Variants in PBX3 observed in about 807,000 individuals in gnomAD.
The protein encoded by PBX3 is pre-B-cell leukemia transcription factor 3.
A neutral mutation model predicts 48.5 loss-of-function variants in PBX3; 14 were observed. The observed-to-expected ratio is 0.29, with a 90% CI of 0.19 to 0.45. The LOEUF (loss-of-function observed/expected upper bound fraction) is 0.45. Among genes scored for constraint, PBX3 ranks in the 20% least tolerant of loss-of-function variants. The pLI is 1.00. For missense variants in PBX3, 386 were observed against 546.7 expected (o/e 0.71, Z 2.93); for synonymous variants, 210 against 200.3 (o/e 1.05, Z -0.41).
At chr9:125,787,727 A>G (rs1021719385) in intron 2 of PBX3, among the ~76,000 whole-genome samples, 1 of 152,132 alleles carries the variant, frequency 6.6e-6, no homozygotes, top group Non-Finnish European at 1.5e-5. Context: ...GGATTTTAGG[A>G]TTGTTTGGTT....
chr9:125,817,499 A>G (rs1838500524), intron 2 of PBX3, among the ~76,000 whole-genome samples: 1 of 152,206 alleles, frequency 6.6e-6, no homozygotes, highest in Admixed American at 6.5e-5. Flanking sequence ...AAACACACAC[A>G]CACATTAATT....
chr9:125,762,039 A>AG (rs761758960), intron 2 of PBX3, among the ~76,000 whole-genome samples: 270 of 152,336 alleles, frequency 1.8e-3, no homozygotes, highest in Admixed American at 3.6e-3. Flanking sequence ...GTATTTTTGC[A>AG]GGGGCAGTTT....
rs1251305449 is a variant in PBX3, at chr9:125,916,074, G to A, written c.516+147G>A. 31 of 1,187,094 alleles carry A rather than the reference G, an allele frequency of 2.6e-5. No individual in the cohort carries two copies. In the South Asian group the frequency reaches 4.1e-4, roughly 16 times the overall value. The allele number at this position is 1,187,094 out of a possible 1,614,324, so 73.5% of individuals were successfully genotyped here. A position where few individuals can be genotyped will look rare whatever the true frequency, so the allele number is the denominator to read the frequency against. ...GTCAGTGCAAAAATCCAAGTGAATT[G>A]TTGGATTCATGAAAGGAAGACCCTT... On this transcript the variant is annotated intron_variant, in intron 3 of 8. Coordinates refer to ENST00000373489, the MANE Select transcript of PBX3 (RefSeq NM_006195.6).
At chr9:125,835,094 A>G (rs1839092699) in intron 2 of PBX3, among the ~76,000 whole-genome samples, 1 of 151,356 alleles carries the variant, frequency 6.6e-6, no homozygotes, top group Non-Finnish European at 1.5e-5. Flanking sequence ...AAGACAATAC[A>G]GATAACTCTT....
Position 125,760,110 on chromosome 9 carries a change from C to T in PBX3, c.274+11487C>T, listed in dbSNP as rs1342884665. The stretch of plus-strand genomic sequence containing the variant: ...ACCTATCTGAGCAGTTTATTTCACG[C>T]GGTTTGTTCTGCGTTGGGATCATTA... On this transcript the variant is annotated intron_variant, in intron 2 of 8. Coordinates refer to ENST00000373489, the MANE Select transcript of PBX3 (RefSeq NM_006195.6). Among the ~76,000 whole-genome samples, 9 of 152,144 alleles carry T rather than the reference C, an allele frequency of 5.9e-5. No homozygotes were observed. In the East Asian group the frequency reaches 9.6e-4, roughly 16 times the overall value.
intron 2 of PBX3, among the ~76,000 whole-genome samples, chr9:125,792,142 T>TTA (rs1344595739): frequency 2.0e-5 from 3 of 151,922 alleles, no homozygotes; most frequent in African/African-American, 7.3e-5. Context: ...GAATCCTAGA[T>TTA]GTAGGAAAAG....
intron 2 of PBX3, among the ~76,000 whole-genome samples, chr9:125,787,623 G>T (rs1305409852): frequency 6.6e-6 from 1 of 152,142 alleles, no homozygotes; most frequent in African/African-American, 2.4e-5. Context: ...GATTATAGGG[G>T]TCTGTTGCAA....
intron 2 of PBX3, among the ~76,000 whole-genome samples, chr9:125,811,846 A>G (rs574033154): frequency 6.6e-6 from 1 of 151,834 alleles, no homozygotes; most frequent in Non-Finnish European, 1.5e-5. Context: ...CTCATGACCT[A>G]TTTATCTCCT....
In PBX3 at chr9:125,747,600, C is replaced by T. The variant is rs1836226914; in HGVS notation, c.147C>T (p.Ile49=). The T allele has an allele frequency of 1.2e-6, 2 of 1,608,332 alleles. No homozygotes were observed. The highest frequency in any genetic ancestry group is 1.7e-6 in the Non-Finnish European group (2 of 1,177,364). Reference sequence around the variant, plus strand: ...GCAGGAAGCAGGACATCGGCGACATCCTCCACCAGATCATGACCATCACCG... The same window carrying T: ...GCAGGAAGCAGGACATCGGCGACATTCTCCACCAGATCATGACCATCACCG... ...GDGRKQDIGD[I]LHQIMTITDQ... Residue 49 remains isoleucine (I), a synonymous_variant, in exon 1 of 9, where the codon ATC becomes ATT. Coordinates refer to ENST00000373489, the MANE Select transcript of PBX3 (RefSeq NM_006195.6).
Position 125,747,403 on chromosome 9 carries a change from C to CGCCTCA in PBX3, c.-46_-41dup. On this transcript the variant is annotated 5_prime_UTR_variant, in exon 1 of 9. Transcript: ENST00000373489. The stretch of plus-strand genomic sequence containing the variant: ...CCCTCGTCGCCGCCGCCGCCGCCGC[C>CGCCTCA]GCCTCAGCCTTCGCCTCAGCCGCCG... 1.6e-6 allele frequency: 2 copies of CGCCTCA among 1,238,880 alleles called. No homozygotes were observed. Among genetic ancestry groups the CGCCTCA allele is most frequent in the Non-Finnish European group, 2.1e-6 (2 of 955,318 alleles). The allele number at this position is 1,238,880 out of a possible 1,614,324, so 76.7% of individuals were successfully genotyped here.
Position 125,783,724 on chromosome 9 carries a change from G to A in PBX3, c.274+35101G>A, listed in dbSNP as rs1445661777. Reference sequence around the variant, plus strand: ...ATTCACAACTTATTTTGGGCCGGGAGCAGCAGCTTCATGCCTGTAATCCCA... The same window carrying A: ...ATTCACAACTTATTTTGGGCCGGGAACAGCAGCTTCATGCCTGTAATCCCA... On this transcript the variant is annotated intron_variant, in intron 2 of 8. Coordinates refer to ENST00000373489, the MANE Select transcript of PBX3 (RefSeq NM_006195.6). 3.9e-5 allele frequency among the ~76,000 whole-genome samples: 6 copies of A among 152,136 alleles called. No individual in the cohort carries two copies. In the East Asian group the frequency reaches 5.8e-4, roughly 15 times the overall value.
Position 125,809,504 on chromosome 9 carries a change from C to G in PBX3, c.274+60881C>G, listed in dbSNP as rs534742923. 6.8e-4 allele frequency among the ~76,000 whole-genome samples: 102 copies of G among 150,450 alleles called. 4 individuals are homozygous for G. The highest frequency in any genetic ancestry group is 6.4e-3 in the Admixed American group (96 of 15,034). On this transcript the variant is annotated intron_variant, in intron 2 of 8. Coordinates refer to ENST00000373489, the MANE Select transcript of PBX3 (RefSeq NM_006195.6). ...TAATCATTTGGTTATTTTTATAACTCAAATGCAGTTGTACTTCTGAGGATA... is the reference window on the plus strand; with the variant it reads ...TAATCATTTGGTTATTTTTATAACTGAAATGCAGTTGTACTTCTGAGGATA...
rs1309526536 is a variant in PBX3, at chr9:125,810,516, A to G, written c.274+61893A>G. ...TTCATTCTGACTCTCCATGATTTCCACTTCTAAATGTCTTCTTGTGTTGAG... is the reference window on the plus strand; with the variant it reads ...TTCATTCTGACTCTCCATGATTTCCGCTTCTAAATGTCTTCTTGTGTTGAG... On this transcript the variant is annotated intron_variant, in intron 2 of 8. Coordinates refer to ENST00000373489, the MANE Select transcript of PBX3 (RefSeq NM_006195.6). 2.6e-5 allele frequency among the ~76,000 whole-genome samples: 4 copies of G among 151,790 alleles called. No individual in the cohort carries two copies. In the South Asian group the frequency reaches 6.2e-4, roughly 24 times the overall value.
chr9:125,894,464 G>A (rs1488923436), intron 2 of PBX3, among the ~76,000 whole-genome samples: 1 of 152,034 alleles, frequency 6.6e-6, no homozygotes, highest in Non-Finnish European at 1.5e-5. Context: ...ATTAAGATAT[G>A]CATTTGTTAA....
At chr9:125,854,243 C>CA (rs1221207047) in intron 2 of PBX3, among the ~76,000 whole-genome samples, 2 of 151,988 alleles carry the variant, frequency 1.3e-5, no homozygotes, top group Admixed American at 1.3e-4. Context: ...GTGATCCTCC[C>CA]ACCTCAGCCT....
chr9:125,921,750 C>A (rs779595176), intron 3 of PBX3, among the ~76,000 whole-genome samples: 1 of 152,108 alleles, frequency 6.6e-6, no homozygotes, highest in African/African-American at 2.4e-5. Context: ...TCAGTAAATA[C>A]AAAATCTACC....
chr9:125,902,365 C>T (rs546036938), intron 2 of PBX3, among the ~76,000 whole-genome samples: 6 of 151,716 alleles, frequency 4.0e-5, no homozygotes, highest in African/African-American at 1.2e-4. Context: ...CCTTTGGGAT[C>T]GTAGACAATG....
intron 2 of PBX3, among the ~76,000 whole-genome samples, chr9:125,792,120 ACT>A (rs1322399195): frequency 3.3e-5 from 5 of 152,058 alleles, no homozygotes; most frequent in African/African-American, 1.2e-4. Flanking sequence ...AAATCTGTAG[ACT>A]CTTATACTAG....
chr9:125,785,972 A>G (rs1386078159), intron 2 of PBX3, among the ~76,000 whole-genome samples: 2 of 151,646 alleles, frequency 1.3e-5, no homozygotes, highest in South Asian at 2.1e-4. Flanking sequence ...CAGTGTTTAC[A>G]TGGTTGCTGT....
Sources: allele counts gnomAD v4.1 joint callset (sites outside exome capture counted in the v4.1 genomes callset), GRCh38; gene constraint gnomAD v4.1.1; transcripts MANE v1.5; gene names NCBI Gene and HGNC (gene_info 2026-07-23, HGNC 2026-07-21).